Variants in PAFAH1B1 observed in about 807,000 individuals in gnomAD.
PAFAH1B1 encodes platelet-activating factor acetylhydrolase IB subunit beta.
Under a neutral mutation model 57.5 loss-of-function variants are expected in PAFAH1B1, and 2 were observed. The observed-to-expected ratio is 0.03, with a 90% confidence interval of 0.01 to 0.11. The LOEUF is 0.11. PAFAH1B1 is among the 10% of genes least tolerant of loss of function. The probability of loss-of-function intolerance (pLI) is 1.00; values close to 1 mark genes in which losing one functional copy is unlikely to be tolerated. For synonymous variants in PAFAH1B1, 152 were observed against 169.6 expected (o/e 0.90, Z 0.81); for missense variants, 257 against 512.0 (o/e 0.50, Z 4.81).
chr17:2,618,536 CTTT>C (rs2068376821), intron 1 of PAFAH1B1, among the ~76,000 whole-genome samples: 1 of 152,004 alleles, frequency 6.6e-6, no homozygotes, highest in Non-Finnish European at 1.5e-5. Flanking sequence ...AGACTGGAGT[CTTT>C]TTCAGATACG....
At chr17:2,637,481 A>G (rs1028491956) in intron 1 of PAFAH1B1, among the ~76,000 whole-genome samples, 3 of 152,060 alleles carry the variant, frequency 2.0e-5, no homozygotes, top group Non-Finnish European at 4.4e-5. Flanking sequence ...CTGCTTGGGA[A>G]GCTGAGGTGG....
chr17:2,651,273 C>T (rs956826265), intron 2 of PAFAH1B1, among the ~76,000 whole-genome samples: 2 of 151,974 alleles, frequency 1.3e-5, no homozygotes, highest in Non-Finnish European at 2.9e-5. Flanking sequence ...ATTATTGTAG[C>T]TTTACATTAA....
chr17:2,626,571 C>T (rs867260324), intron 1 of PAFAH1B1, among the ~76,000 whole-genome samples: 3,109 of 78,706 alleles, frequency 0.04, 540 homozygotes, highest in African/African-American at 0.13. Flanking sequence ...CCCCCCCCCC[C>T]GAGGCGGAGT....
At chr17:2,676,436 TAGAA>T in intron 8 of PAFAH1B1, 65 bp from the exon 9 acceptor site, 6 of 941,382 alleles carry the variant, frequency 6.4e-6, no homozygotes, top group Non-Finnish European at 1.1e-5. Flanking sequence ...CATTATTAGA[TAGAA>T]GCCATTTAAA....
chr17:2,644,560 A>C (rs1344275818), intron 2 of PAFAH1B1, among the ~76,000 whole-genome samples: 1 of 152,128 alleles, frequency 6.6e-6, no homozygotes, highest in African/African-American at 2.4e-5. Flanking sequence ...TAAATAAATA[A>C]ATAAAACAGT....
In PAFAH1B1 at chr17:2,683,861, C is replaced by G. The variant is rs2069424168; in HGVS notation, c.*2059C>G. On this transcript the variant is annotated 3_prime_UTR_variant, in exon 11 of 11. Coordinates refer to ENST00000397195, the MANE Select transcript of PAFAH1B1 (RefSeq NM_000430.4). ...ATATAAATACATAGAAATGGTGCAT[C>G]TTAACATTTGTTTGTACATGTATAA... 1 of 152,588 alleles carries G rather than the reference C, an allele frequency of 6.6e-6. No individual in the cohort carries two copies. Among genetic ancestry groups the G allele is most frequent in the Non-Finnish European group, 1.5e-5 (1 of 68,042 alleles). The allele number at this position is 152,588 out of a possible 1,614,324, so 9.5% of individuals were successfully genotyped here. A position where few individuals can be genotyped will look rare whatever the true frequency, so the allele number is the denominator to read the frequency against.
At chr17:2,680,634 C>G (rs1415959493) in intron 10 of PAFAH1B1, among the ~76,000 whole-genome samples, 4 of 152,176 alleles carry the variant, frequency 2.6e-5, no homozygotes, top group Non-Finnish European at 5.9e-5. Flanking sequence ...GTTTGTTTCT[C>G]AAACAAAATC....
At chr17:2,662,516 GC>G (rs1187102126) in intron 2 of PAFAH1B1, among the ~76,000 whole-genome samples, 14 of 150,372 alleles carry the variant, frequency 9.3e-5, no homozygotes, top group African/African-American at 3.4e-4. Context: ...CAATTCTCCT[GC>G]CTCAGCCTCC....
chr17:2,604,497 A>G (rs1183557578), intron 1 of PAFAH1B1, among the ~76,000 whole-genome samples: 2 of 152,134 alleles, frequency 1.3e-5, no homozygotes, highest in Non-Finnish European at 2.9e-5. Flanking sequence ...AAGAGATGAT[A>G]CTTGAACTGA....
At chr17:2,661,460 TCAG>T (rs2151654963) in intron 2 of PAFAH1B1, among the ~76,000 whole-genome samples, 1 of 152,336 alleles carries the variant, frequency 6.6e-6, no homozygotes, top group East Asian at 1.9e-4. Context: ...TTGTTGAAGA[TCAG>T]ATGTTTGTAG....
At chr17:2,650,262 A>G (rs2068830408) in intron 2 of PAFAH1B1, among the ~76,000 whole-genome samples, 1 of 152,174 alleles carries the variant, frequency 6.6e-6, no homozygotes, top group Non-Finnish European at 1.5e-5. Flanking sequence ...CTGTAATCCC[A>G]ACACTTTGGG....
intron 5 of PAFAH1B1, 191 bp downstream of exon 5, chr17:2,667,389 G>C (rs1252871395): frequency 1.8e-6 from 1 of 553,006 alleles, no homozygotes; most frequent in Non-Finnish European, 3.2e-6. Flanking sequence ...CTGAAAATGA[G>C]GGCCTATGAA....
chr17:2,683,706 A>G lies in PAFAH1B1; in HGVS notation c.*1904A>G, dbSNP rs1411481832. 6.6e-6 allele frequency: 1 copy of G among 152,600 alleles called. No homozygotes were observed. Among genetic ancestry groups the G allele is most frequent in the African/African-American group, 2.4e-5 (1 of 41,408 alleles). 9.5% of individuals were successfully genotyped at this position (152,600 alleles called of 1,614,324 possible). ...ATACAGTAGGTGAATTTTCAGGACA[A>G]TATTGCCTCACAACCCTGCTTACAT... On this transcript the variant is annotated 3_prime_UTR_variant, in exon 11 of 11. Transcript: ENST00000397195.
intron 1 of PAFAH1B1, among the ~76,000 whole-genome samples, chr17:2,620,388 G>A (rs2068404207): frequency 6.6e-6 from 1 of 152,076 alleles, no homozygotes; most frequent in African/African-American, 2.4e-5. Flanking sequence ...ACTTAACTCA[G>A]TATCTTATAA....
intron 2 of PAFAH1B1, among the ~76,000 whole-genome samples, chr17:2,654,151 A>G (rs144178546): frequency 9.3e-5 from 14 of 150,532 alleles, no homozygotes; most frequent in Non-Finnish European, 1.6e-4. Context: ...TGCTGCTTCT[A>G]TCCAGCTTAC....
chr17:2,666,220 C>T (rs1282684427), intron 4 of PAFAH1B1, 130 bp downstream of exon 4: 1 of 936,570 alleles, frequency 1.1e-6, no homozygotes, highest in African/African-American at 1.7e-5. Context: ...ATTTTTTGTG[C>T]TTCATGAAAA....
Position 2,678,415 on chromosome 17 carries a change from A to AC in PAFAH1B1, c.1003-1749_1003-1748insC, listed in dbSNP as rs1567562185. Among the ~76,000 whole-genome samples the AC allele has an allele frequency of 3.6e-4, 53 of 147,046 alleles. 1 individual carries two copies. The highest frequency in any genetic ancestry group is 1.3e-3 in the African/African-American group (53 of 40,586). ...GAAACCATCTCAAAAAAAAAAAAAA[A>AC]AAAACCCGGGCATGGTGGCGCACGT... On this transcript the variant is annotated intron_variant, in intron 9 of 10. Coordinates refer to ENST00000397195, the MANE Select transcript of PAFAH1B1 (RefSeq NM_000430.4).
chr17:2,670,762 CTTG>C (rs1225722367), intron 6 of PAFAH1B1, among the ~76,000 whole-genome samples: 3 of 152,214 alleles, frequency 2.0e-5, no homozygotes, highest in East Asian at 3.9e-4. Flanking sequence ...TTTCCCGGGT[CTTG>C]TTGTGGGAAC....
intron 1 of PAFAH1B1, among the ~76,000 whole-genome samples, chr17:2,637,783 A>G (rs914937879): frequency 5.9e-5 from 9 of 152,312 alleles, no homozygotes; most frequent in Admixed American, 1.3e-4. Flanking sequence ...TGTCTCTAAG[A>G]GAGAATTACA....
Sources: gnomAD v4.1 joint callset for allele counts (sites outside exome capture counted in the v4.1 genomes callset) on GRCh38, gnomAD v4.1.1 for gene constraint, MANE v1.5 for transcripts, NCBI Gene and HGNC (gene_info 2026-07-23, HGNC 2026-07-21) for gene names.